The following PTCHD4 variants were observed in gnomAD, a reference collection of about 807,000 sequenced individuals.
The protein encoded by PTCHD4 is patched domain-containing protein 4.
In PTCHD4, 33 loss-of-function variants were observed where a neutral mutation model predicts 58.1. The ratio of observed to expected loss-of-function variants is 0.57; its 90% CI spans 0.43 to 0.76. The LOEUF (loss-of-function observed/expected upper bound fraction) is 0.76, where lower values mean the gene tolerates loss of function less well. PTCHD4 is among the 30% of genes least tolerant of loss of function. PTCHD4 has a pLI of 0.00. For synonymous variants in PTCHD4, 478 were observed against 409.6 expected, an observed-to-expected ratio of 1.17 and a Z score of -2.02; for missense variants, 1,058 against 1,027.1, an observed-to-expected ratio of 1.03 and a Z score of -0.41.
At position 47,877,461 on chromosome 6, in the gene PTCHD4, T is replaced by C. The variant is rs1763877144; in HGVS notation, c.*842A>G. Among the ~76,000 whole-genome samples the C allele has an allele frequency of 6.6e-6, 1 of 152,084 alleles. No homozygotes were observed. Among genetic ancestry groups the C allele is most frequent in the Non-Finnish European group, 1.5e-5 (1 of 67,978 alleles). On this transcript the variant is annotated 3_prime_UTR_variant, in exon 5 of 5. Coordinates refer to ENST00000339488, the MANE Select transcript of PTCHD4 (RefSeq NM_001384253.1). The stretch of plus-strand genomic sequence containing the variant: ...TATTTCTAATATGAAACAGTAAACC[T>C]TGTCCATGTGGTAATTAATTCAAAT...
chr6:47,874,192 G>A lies in PTCHD4; in HGVS notation c.*4111C>T, dbSNP rs563959020. On this transcript the variant is annotated 3_prime_UTR_variant, in exon 5 of 5. Coordinates refer to ENST00000339488, the MANE Select transcript of PTCHD4 (RefSeq NM_001384253.1). The stretch of plus-strand genomic sequence containing the variant: ...CCAGATTTCACTTCTGAGATTTTCC[G>A]AAGTCCATTCTAGAAGAGGTGGTTG... 3.3e-5 allele frequency among the ~76,000 whole-genome samples: 5 copies of A among 151,828 alleles called. No individual in the cohort carries two copies. Among genetic ancestry groups the A allele is most frequent in the East Asian group, 1.9e-4 (1 of 5,138 alleles).
intron 4 of PTCHD4, among the ~76,000 whole-genome samples, chr6:47,972,628 A>G (rs1376633102): frequency 1.3e-5 from 2 of 151,960 alleles, no homozygotes; most frequent in Admixed American, 1.3e-4. Context: ...TAAATATCAT[A>G]TAATTATTTA....
At chr6:47,995,943 G>A (rs938103891) in intron 4 of PTCHD4, among the ~76,000 whole-genome samples, 1 of 152,134 alleles carries the variant, frequency 6.6e-6, no homozygotes, top group African/African-American at 2.4e-5. Context: ...GAATGGTAGA[G>A]GAATGGCAGT....
At chr6:48,104,878 G>C (rs1194944234) in intron 1 of PTCHD4, among the ~76,000 whole-genome samples, 1 of 152,114 alleles carries the variant, frequency 6.6e-6, no homozygotes, top group African/African-American at 2.4e-5. Flanking sequence ...ATGGTAAAGG[G>C]ATCAATTCAA....
intron 1 of PTCHD4, among the ~76,000 whole-genome samples, chr6:48,091,696 G>C (rs1386701612): frequency 1.4e-5 from 2 of 146,348 alleles, no homozygotes; most frequent in African/African-American, 5.0e-5. Flanking sequence ...GCCCAGGATG[G>C]AGTGTAGTGG....
chr6:47,945,937 T>C (rs1295927404), intron 4 of PTCHD4, among the ~76,000 whole-genome samples: 1 of 151,848 alleles, frequency 6.6e-6, no homozygotes, highest in Non-Finnish European at 1.5e-5. Flanking sequence ...ATTTTGTTAT[T>C]CAATAATATA....
intron 3 of PTCHD4, among the ~76,000 whole-genome samples, chr6:48,049,806 G>A (rs142412442): frequency 6.6e-6 from 1 of 151,880 alleles, no homozygotes; most frequent in Non-Finnish European, 1.5e-5. Context: ...ATTACTATCA[G>A]TAAGGACTCC....
chr6:47,907,195 A>T (rs1015311264), intron 4 of PTCHD4, among the ~76,000 whole-genome samples: 6 of 152,204 alleles, frequency 3.9e-5, no homozygotes, highest in African/African-American at 1.4e-4. Context: ...TTTTCTCAGT[A>T]GAAGACTGTT....
Position 47,871,265 on chromosome 6 carries a change from G to T in PTCHD4, c.*7038C>A, listed in dbSNP as rs1763706519. ...CAGAAAATAATAGCAATGCCTTCCAGAGGAAAAGAAAACTTAAGTAAAATG... is the reference window on the plus strand; with the variant it reads ...CAGAAAATAATAGCAATGCCTTCCATAGGAAAAGAAAACTTAAGTAAAATG... On this transcript the variant is annotated 3_prime_UTR_variant, in exon 5 of 5. Transcript: ENST00000339488. Among the ~76,000 whole-genome samples, 1 of 151,586 alleles carries T rather than the reference G, an allele frequency of 6.6e-6. No individual in the cohort carries two copies. The highest frequency in any genetic ancestry group is 1.5e-5 in the Non-Finnish European group (1 of 67,706).
chr6:48,098,343 T>TTCTTC (rs1554182605), intron 1 of PTCHD4, among the ~76,000 whole-genome samples: 1 of 131,784 alleles, frequency 7.6e-6, no homozygotes, highest in African/African-American at 3.0e-5. Context: ...CTTCTTCTTC[T>TTCTTC]TTTTTTTTTT....
intron 1 of PTCHD4, among the ~76,000 whole-genome samples, chr6:48,083,954 C>T (rs1765213076): frequency 1.3e-5 from 2 of 152,126 alleles, no homozygotes; most frequent in Non-Finnish European, 2.9e-5. Flanking sequence ...CCACATTATA[C>T]TCAGACTTTT....
chr6:48,072,718 C>T (rs887226336), intron 1 of PTCHD4, among the ~76,000 whole-genome samples: 1 of 152,078 alleles, frequency 6.6e-6, no homozygotes, highest in African/African-American at 2.4e-5. Flanking sequence ...TTTTATATAA[C>T]TATCTGCATC....
At chr6:47,916,794 A>G (rs903132550) in intron 4 of PTCHD4, among the ~76,000 whole-genome samples, 12 of 152,194 alleles carry the variant, frequency 7.9e-5, no homozygotes, top group African/African-American at 1.4e-4. Flanking sequence ...CTGAATTGTA[A>G]TAACTAAAAA....
At chr6:47,965,528 A>T (rs1263795344) in intron 4 of PTCHD4, among the ~76,000 whole-genome samples, 1 of 152,234 alleles carries the variant, frequency 6.6e-6, no homozygotes, top group Non-Finnish European at 1.5e-5. Context: ...ATTTTTAAAA[A>T]GAAAACTAAC....
At chr6:48,016,165 C>T (rs1762862142) in intron 3 of PTCHD4, among the ~76,000 whole-genome samples, 1 of 151,716 alleles carries the variant, frequency 6.6e-6, no homozygotes, top group African/African-American at 2.4e-5. Flanking sequence ...TTAGGGAGTG[C>T]CAGAAAAAAG....
rs2114065665 is a variant in PTCHD4 at position 47,865,044 on chromosome 6, T to C, written c.*13259A>G. On this transcript the variant is annotated 3_prime_UTR_variant, in exon 5 of 5. Coordinates refer to ENST00000339488, the MANE Select transcript of PTCHD4 (RefSeq NM_001384253.1). Reference sequence around the variant, plus strand: ...TCTAAGCATAAATCACCTGAACTGCTAAATTCCCTGAAATGCAAATAAATC... The same window carrying C: ...TCTAAGCATAAATCACCTGAACTGCCAAATTCCCTGAAATGCAAATAAATC... 6.6e-6 allele frequency among the ~76,000 whole-genome samples: 1 copy of C among 152,040 alleles called. No individual in the cohort carries two copies. The highest frequency in any genetic ancestry group is 1.9e-4 in the East Asian group (1 of 5,132).
intron 4 of PTCHD4, among the ~76,000 whole-genome samples, chr6:47,911,082 C>G (rs138355148): frequency 3.3e-5 from 5 of 152,106 alleles, no homozygotes; most frequent in African/African-American, 1.2e-4. Context: ...CACTTGCTTA[C>G]TGTTCTTGGA....
rs146479339 is a variant in PTCHD4 at position 47,937,090 on chromosome 6, A to G, written c.899-57154T>C. On this transcript the variant is annotated intron_variant, in intron 4 of 4. Transcript: ENST00000339488. ...GAAAGGTCAGATTGACAGTGGAGTCAGATCATGTAACCCCTTGCAGGCCAC... is the reference window on the plus strand; with the variant it reads ...GAAAGGTCAGATTGACAGTGGAGTCGGATCATGTAACCCCTTGCAGGCCAC... Among the ~76,000 whole-genome samples the G allele has an allele frequency of 2.6e-3, 403 of 152,360 alleles. 2 individuals carry two copies. Among genetic ancestry groups the G allele is most frequent in the African/African-American group, 8.6e-3 (358 of 41,590 alleles).
chr6:48,022,622 G>C (rs899547942), intron 3 of PTCHD4, among the ~76,000 whole-genome samples: 1 of 152,090 alleles, frequency 6.6e-6, no homozygotes, highest in Non-Finnish European at 1.5e-5. Context: ...GGGTGCAACA[G>C]CTTACCTTTG....
Sources: gnomAD v4.1 joint callset for allele counts (sites outside exome capture counted in the v4.1 genomes callset) on GRCh38, gnomAD v4.1.1 for gene constraint, MANE v1.5 for transcripts, NCBI Gene and HGNC (gene_info 2026-07-23, HGNC 2026-07-21) for gene names.